Variants in AP3B2 observed in about 807,000 individuals in gnomAD.
AP3B2 encodes the protein AP-3 complex subunit beta-2.
AP3B2 carries 50 observed loss-of-function variants against 126.9 expected under a neutral mutation model. The observed-to-expected ratio is 0.39, with a 90% CI of 0.31 to 0.50. The LOEUF (loss-of-function observed/expected upper bound fraction) is 0.50. AP3B2 is among the 20% of genes least tolerant of loss of function. The probability of loss-of-function intolerance (pLI) is 0.79; values close to 1 mark genes in which losing one functional copy is unlikely to be tolerated. For synonymous variants in AP3B2, 541 were observed against 565.0 expected, an observed-to-expected ratio of 0.96 and a Z score of 0.60; for missense variants, 1,177 against 1,426.4, an observed-to-expected ratio of 0.83 and a Z score of 2.82.
rs2151425280 is a variant in AP3B2, at chr15:82,659,868, A to G, written c.3132T>C (p.Pro1044=). The G allele has an allele frequency of 6.2e-7, 1 of 1,614,004 alleles. No homozygotes were observed. Residue 1044 remains proline (P), a synonymous_variant, in exon 26 of 27, where the codon CCT becomes CCC. Transcript: ENST00000535359. ...ACCTGTACTCATCAGATGTCCCACA[A>G]GGAACACGACCCAGGTTGGCAGTGG... ...VTATANLGRV[P]CGTSDEYRFA...
chr15:82,669,370 A>T (rs997296911), intron 14 of AP3B2, among the ~76,000 whole-genome samples: 1 of 152,246 alleles, frequency 6.6e-6, no homozygotes, highest in African/African-American at 2.4e-5. Flanking sequence ...TAAATTCAGT[A>T]AAGTCGCAGG....
At position 82,665,189 on chromosome 15, in the gene AP3B2, G is replaced by T; in HGVS notation, c.2028+58C>A. 1 of 1,507,682 alleles carries T rather than the reference G, an allele frequency of 6.6e-7. No individual in the cohort carries two copies. Among genetic ancestry groups the T allele is most frequent in the East Asian group, 2.5e-5 (1 of 40,790 alleles). 93.4% of individuals were successfully genotyped at this position (1,507,682 alleles called of 1,614,324 possible). On this transcript the variant is annotated intron_variant, in intron 17 of 26. Transcript: ENST00000535359. This position sits in a 1 kb window ranked among gnomAD's most constrained non-coding sequence, Gnocchi z 4.4. The stretch of plus-strand genomic sequence containing the variant: ...AGGCCCAGGAGCACAACACACAGGG[G>T]AAGAAGAGGGACACAGACAGGGCAG...
intron 1 of AP3B2, among the ~76,000 whole-genome samples, chr15:82,695,491 A>T (rs2048617117): frequency 6.6e-6 from 1 of 152,126 alleles, no homozygotes; most frequent in African/African-American, 2.4e-5. Context: ...AGATGCGATC[A>T]ATCATGAAGC....
chr15:82,676,925 T>G (rs1478910399), intron 13 of AP3B2, among the ~76,000 whole-genome samples: 2 of 152,234 alleles, frequency 1.3e-5, no homozygotes, highest in Admixed American at 6.5e-5. Context: ...CCTCAGTACT[T>G]TATTTCCATG....
intron 1 of AP3B2, among the ~76,000 whole-genome samples, chr15:82,695,346 G>A (rs546749941): frequency 4.6e-5 from 7 of 152,116 alleles, no homozygotes; most frequent in South Asian, 4.2e-4. Context: ...TGATCCACCC[G>A]CCTTGGCCTC....
At chr15:82,699,427 GT>G (rs1417410347) in intron 1 of AP3B2, among the ~76,000 whole-genome samples, 5 of 152,128 alleles carry the variant, frequency 3.3e-5, no homozygotes, top group Non-Finnish European at 7.4e-5. Context: ...CCTCCAGGGA[GT>G]TAAGCCCCTC....
chr15:82,664,798 C>A lies in AP3B2; in HGVS notation c.2137+37G>T. 6.8e-7 allele frequency: 1 copy of A among 1,466,964 alleles called. No homozygotes were observed. Among genetic ancestry groups the A allele is most frequent in the South Asian group, 1.2e-5 (1 of 82,420 alleles). 90.9% of individuals were successfully genotyped at this position (1,466,964 alleles called of 1,614,324 possible). A position where few individuals can be genotyped will look rare whatever the true frequency, so the allele number is the denominator to read the frequency against. On this transcript the variant is annotated intron_variant, in intron 18 of 26. Coordinates refer to ENST00000535359, the MANE Select transcript of AP3B2 (RefSeq NM_001278512.2). This position sits in a 1 kb window ranked among gnomAD's most constrained non-coding sequence, Gnocchi z 4.5. Reference sequence around the variant, plus strand: ...ATAGTCAGTCACACAGATGCATGGGCAGAGCACAGAGGACCCCAGCTCTGC... The same window carrying A: ...ATAGTCAGTCACACAGATGCATGGGAAGAGCACAGAGGACCCCAGCTCTGC...
At chr15:82,694,154 C>T (rs922956403) in intron 1 of AP3B2, among the ~76,000 whole-genome samples, 1 of 151,872 alleles carries the variant, frequency 6.6e-6, no homozygotes. Context: ...CAGGTGTGCA[C>T]CACCATGCCT....
intron 1 of AP3B2, among the ~76,000 whole-genome samples, chr15:82,690,886 G>C (rs995358531): frequency 1.6e-5 from 2 of 125,256 alleles, no homozygotes; most frequent in South Asian, 2.3e-4. Flanking sequence ...TCGATCTCCT[G>C]ACCTCGTGAT....
chr15:82,699,801 C>T, intron 1 of AP3B2: 1 of 399,318 alleles, frequency 2.5e-6, no homozygotes, highest in Non-Finnish European at 4.4e-6. Flanking sequence ...GGCTAGCAGC[C>T]TCTTGATCAG....
chr15:82,663,610 C>T lies in AP3B2; in HGVS notation c.2447G>A (p.Ser816Asn). The T allele has an allele frequency of 6.2e-7, 1 of 1,613,914 alleles. No individual in the cohort carries two copies. The highest frequency in any genetic ancestry group is 1.1e-5 in the South Asian group (1 of 91,058). ...CTCCTTGGTTGCAGGAGCACTTTTG[C>T]TGCTGGGAGGCTGAAAGAGAAAAAT... is the stretch of plus-strand genomic sequence containing the variant. ...ASWSRKTPPS[S>N]KSAPATKEIS... The change falls in exon 21 of 27, where the codon AGC becomes AAC. Residue 816 changes from serine to asparagine, a missense_variant. Physicochemically the swap from Ser to Asn is conservative, Grantham distance 46 (BLOSUM62 1). Transcript: ENST00000535359.
Position 82,664,895 on chromosome 15 carries a change from C to T in AP3B2, c.2077G>A (p.Glu693Lys), listed in dbSNP as rs2048025037. The T allele has an allele frequency of 6.2e-7, 1 of 1,608,320 alleles. No homozygotes were observed. Among genetic ancestry groups the T allele is most frequent in the Non-Finnish European group, 8.5e-7 (1 of 1,177,526 alleles). Residue 693 changes from glutamate (E) to lysine (K), a missense_variant, in exon 18 of 27, where the codon GAA becomes AAA. By Grantham distance (56) the Glu-to-Lys change is moderately conservative. Transcript: ENST00000535359. This position sits in a 1 kb window ranked among gnomAD's most constrained non-coding sequence, Gnocchi z 4.5. ...CSNREKRKEK[E>K]KPFYSDSEGE... is the part of the protein sequence containing the mutation. ...TCAGAGTCCGAGTAGAAGGGTTTTT[C>T]CTTCTCCTTTCTCTTCTCCCGATTT...
At chr15:82,709,555 C>T (rs1376196510) in intron 1 of AP3B2, 39 bp downstream of exon 1, 7 of 1,448,452 alleles carry the variant, frequency 4.8e-6, no homozygotes, top group African/African-American at 1.5e-5. Context: ...CGGTCCCCGG[C>T]CCCAACCCTC....
At position 82,664,577 on chromosome 15, in the gene AP3B2, A is replaced by G. The variant is rs1596168124; in HGVS notation, c.2138-87T>C. 4.6e-6 allele frequency: 7 copies of G among 1,517,300 alleles called. No individual in the cohort carries two copies. The East Asian group carries it at 1.7e-4, about 37-fold the overall frequency. The allele number at this position is 1,517,300 out of a possible 1,614,324, so 94.0% of individuals were successfully genotyped here. On this transcript the variant is annotated intron_variant, in intron 18 of 26. Coordinates refer to ENST00000535359, the MANE Select transcript of AP3B2 (RefSeq NM_001278512.2). This position sits in a 1 kb window ranked among gnomAD's most constrained non-coding sequence, Gnocchi z 4.5. ...ACACCTGGGTTCCACCTTCACATTC[A>G]GTACTGAACCCTCAAACCTCTCTGA...
At chr15:82,709,536 C>A in intron 1 of AP3B2, 58 bp downstream of exon 1, 6 of 1,296,644 alleles carry the variant, frequency 4.6e-6, no homozygotes, top group Non-Finnish European at 6.0e-6. Flanking sequence ...GGTGCCCGCG[C>A]GCCTCGCCCG....
At chr15:82,688,656 C>A in intron 4 of AP3B2, 80 bp downstream of exon 4, 1 of 1,336,350 alleles carries the variant, frequency 7.5e-7, no homozygotes, top group Non-Finnish European at 1.1e-6. Flanking sequence ...CTCCCATGCT[C>A]ATGGCCTCTC....
chr15:82,683,877 G>T (rs2048384534), intron 4 of AP3B2, among the ~76,000 whole-genome samples: 1 of 152,222 alleles, frequency 6.6e-6, no homozygotes, highest in South Asian at 2.1e-4. Flanking sequence ...CTCCATCAGA[G>T]CTCTTGAGTG....
intron 1 of AP3B2, among the ~76,000 whole-genome samples, chr15:82,704,919 C>T (rs959704143): frequency 1.3e-5 from 2 of 152,146 alleles, no homozygotes; most frequent in Admixed American, 6.5e-5. Flanking sequence ...GCTTCTAAAC[C>T]TCTCAAAACT....
intron 22 of AP3B2, 28 bp from the exon 23 acceptor site, chr15:82,662,950 A>G: frequency 6.3e-7 from 1 of 1,599,132 alleles, no homozygotes. Context: ...GGAAGGACAG[A>G]ACTGAGCAAG....
Sources: gnomAD v4.1 joint callset for allele counts (sites outside exome capture counted in the v4.1 genomes callset) on GRCh38, gnomAD v4.1.1 for gene constraint, Gnocchi (gnomAD v3.1) non-coding constraint, MANE v1.5 for transcripts, NCBI Gene and HGNC (gene_info 2026-07-23, HGNC 2026-07-21) for gene names.